Variants in TMEM132A observed in about 807,000 individuals in gnomAD.
The protein encoded by TMEM132A is GRP78-binding protein.
In TMEM132A, 48 loss-of-function variants were observed where a neutral mutation model predicts 69.9. That is an observed-to-expected ratio of 0.69 (90% CI 0.55 to 0.87). The LOEUF (loss-of-function observed/expected upper bound fraction) is 0.87. Among genes scored for constraint, TMEM132A ranks in the 40% least tolerant of loss-of-function variants. The pLI is 0.00. For missense variants in TMEM132A, 1,287 were observed against 1,407.2 expected (o/e 0.91, Z 1.37); for synonymous variants, 577 against 613.7 (o/e 0.94, Z 0.88).
At chr11:60,933,968 T>G (rs1171028407) in intron 8 of TMEM132A, 1 of 573,162 alleles carries the variant, frequency 1.7e-6, no homozygotes, top group Admixed American at 3.1e-5. Flanking sequence ...ACTTCTCCCG[T>G]AGCACCCTCC....
rs1204603885 is a variant in TMEM132A at position 60,927,392 on chromosome 11, T to G, written c.289T>G (p.Ser97Ala). 3 of 1,613,056 alleles carry G rather than the reference T, an allele frequency of 1.9e-6. No individual in the cohort carries two copies. Among genetic ancestry groups the G allele is most frequent in the East Asian group, 2.2e-5 (1 of 44,852 alleles). The change falls in exon 2 of 11, where the codon TCC becomes GCC. Residue 97 changes from serine to alanine, a missense_variant. Ser to Ala is a moderately conservative substitution (Grantham distance 99). Transcript: ENST00000453848. ...CAGGGCCCAGCCACTTCTCCGGGCC[T>G]CCTACCCACCTTTTGCCACTCAGCA... is the stretch of plus-strand genomic sequence containing the variant. ...WPRAQPLLRA[S>A]YPPFATQQVV...
chr11:60,924,691 T>C lies in TMEM132A; in HGVS notation c.58T>C (p.Trp20Arg). ...TAAPRGPYGPWLCLLVALALD... is the reference protein window; with the variant it reads ...TAAPRGPYGPRLCLLVALALD... ...GGCCCCTCGGGGGCCCTACGGCCCC[T>C]GGCTCTGCCTCCTGGTGGCCCTCGC... Residue 20 changes from tryptophan (W) to arginine (R), a missense_variant, in exon 1 of 11, where the codon TGG (tryptophan) becomes CGG (arginine). Transcript: ENST00000453848. 6.3e-7 allele frequency: 1 copy of C among 1,590,976 alleles called. No individual in the cohort carries two copies. Among genetic ancestry groups the C allele is most frequent in the Non-Finnish European group, 8.5e-7 (1 of 1,175,540 alleles).
intron 1 of TMEM132A, chr11:60,926,618 C>T (rs1218297127): frequency 6.4e-6 from 1 of 155,192 alleles, no homozygotes; most frequent in African/African-American, 2.4e-5. Flanking sequence ...AAGCAAGTGC[C>T]TTCACAGACC....
chr11:60,927,955 C>CTAA, intron 3 of TMEM132A, 96 bp downstream of exon 3: 1 of 1,108,982 alleles, frequency 9.0e-7, no homozygotes, highest in Non-Finnish European at 1.3e-6. Context: ...TCCTGGGAAG[C>CTAA]GCGGGGGTTG....
chr11:60,928,824 C>A lies in TMEM132A; in HGVS notation c.730C>A (p.Pro244Thr). 1.2e-6 allele frequency: 2 copies of A among 1,612,260 alleles called. No individual in the cohort carries two copies. The highest frequency in any genetic ancestry group is 1.7e-6 in the Non-Finnish European group (2 of 1,179,866). Residue 244 changes from proline (P) to threonine (T), a missense_variant, in exon 4 of 11, where the codon CCC (proline) becomes ACC (threonine). Coordinates refer to ENST00000453848, the MANE Select transcript of TMEM132A (RefSeq NM_178031.3). ...GGGTGTGGAGCTGCGCCCAGCAGAC[C>A]CCCCGCAGTACCAGGAGGTACCTCT... ...VGGVELRPAD[P>T]PQYQEVPLDE...
In TMEM132A at chr11:60,934,543, T is replaced by C; in HGVS notation, c.1615T>C (p.Cys539Arg). ...SDEAERRARG[C>R]HLQYQRAGVR... is the part of the protein sequence containing the mutation. ...TGAGGCCGAGCGGCGCGCCCGTGGC[T>C]GCCACCTGCAGTACCAGCGGGCCGG... is the stretch of plus-strand genomic sequence containing the variant. The change falls in exon 9 of 11, where the codon TGC becomes CGC. Residue 539 changes from cysteine to arginine, a missense_variant. Physicochemically the swap from Cys to Arg is radical, Grantham distance 180. Coordinates refer to ENST00000453848, the MANE Select transcript of TMEM132A (RefSeq NM_178031.3). 6.7e-7 allele frequency: 1 copy of C among 1,489,754 alleles called. No homozygotes were observed. The highest frequency in any genetic ancestry group is 1.3e-5 in the South Asian group (1 of 77,172). The allele number at this position is 1,489,754 out of a possible 1,614,324, so 92.3% of individuals were successfully genotyped here.
In TMEM132A at chr11:60,927,765, G is replaced by T; in HGVS notation, c.440G>T (p.Gly147Val). The change falls in exon 3 of 11, where the codon GGG becomes GTG. Residue 147 changes from glycine to valine, a missense_variant. Transcript: ENST00000453848. Reference sequence around the variant, plus strand: ...GCCCGGGTTCTCTTCCACCTCAAAGGGCAGGATTGGCCACCAGGGTCTGGC... The same window carrying T: ...GCCCGGGTTCTCTTCCACCTCAAAGTGCAGGATTGGCCACCAGGGTCTGGC... ...PYARVLFHLKGQDWPPGSGSL... is the reference protein window; with the variant it reads ...PYARVLFHLKVQDWPPGSGSL... The T allele has an allele frequency of 6.2e-7, 1 of 1,613,206 alleles. No individual in the cohort carries two copies. The highest frequency in any genetic ancestry group is 8.5e-7 in the Non-Finnish European group (1 of 1,180,018).
rs772318100 is a variant in TMEM132A at position 60,936,703 on chromosome 11, TG to T, written c.2874del (p.Arg959GlyfsTer5). ...CAAGCACCCTGGCCCGAAAGGAGGC[TG>T]GGGGGCGGCGGAAGCGAGTAGAGTT... ...SSSTLARKEA[G>X]GRRKRVEFVT... is the part of the protein sequence containing the mutation. On this transcript the variant is annotated frameshift_variant, in exon 11 of 11. Transcript: ENST00000453848. LOFTEE classifies it high-confidence loss of function. 1.9e-6 allele frequency: 3 copies of T among 1,573,536 alleles called. No homozygotes were observed. Among genetic ancestry groups the T allele is most frequent in the Non-Finnish European group, 1.7e-6 (2 of 1,159,870 alleles).
Position 60,924,673 on chromosome 11 carries a change from CG to C in TMEM132A, c.45del (p.Tyr17ThrfsTer16). ...GGCCGGTCGCACAACAGCGGCCCCT[CG>C]GGGGCCCTACGGCCCCTGGCTCTGC... ...RMAGRTTAAP[R>X]GPYGPWLCLL... is the part of the protein sequence containing the mutation. On this transcript the variant is annotated frameshift_variant, in exon 1 of 11. Coordinates refer to ENST00000453848, the MANE Select transcript of TMEM132A (RefSeq NM_178031.3). LOFTEE classifies it high-confidence loss of function. The C allele has an allele frequency of 6.3e-7, 1 of 1,594,122 alleles. No homozygotes were observed.
rs745608723 is a variant in TMEM132A at position 60,928,618 on chromosome 11, T to A, written c.535-11T>A. 7 of 1,605,678 alleles carry A rather than the reference T, an allele frequency of 4.4e-6. No homozygotes were observed. The highest frequency in any genetic ancestry group is 5.9e-6 in the Non-Finnish European group (7 of 1,179,510). On this transcript the variant is annotated splice_polypyrimidine_tract_variant and intron_variant, in intron 3 of 10. Transcript: ENST00000453848. ...ACCCCCATGCCAATTACTGCTGTCG[T>A]GTCTTCACAGCCATCCCTGGGCGCC...
rs1856524434 is a variant in TMEM132A, at chr11:60,933,616, C to A, written c.1431C>A (p.Phe477Leu). ...SRGARGVRVD[F>L]WWRRLRASLR... Reference sequence around the variant, plus strand: ...GCGCCCGGGGGGTGCGAGTGGACTTCTGGTGGCGCCGGCTCCGCGCCTCGC... The same window carrying A: ...GCGCCCGGGGGGTGCGAGTGGACTTATGGTGGCGCCGGCTCCGCGCCTCGC... The change falls in exon 8 of 11, where the codon TTC becomes TTA. Residue 477 changes from phenylalanine to leucine, a missense_variant. Phe to Leu is a conservative substitution (Grantham distance 22). Transcript: ENST00000453848. 1.2e-6 allele frequency: 2 copies of A among 1,606,392 alleles called. No individual in the cohort carries two copies. Among genetic ancestry groups the A allele is most frequent in the African/African-American group, 1.3e-5 (1 of 74,840 alleles).
rs1022834018 is a variant in TMEM132A, at chr11:60,936,973, C to T, written c.*66C>T. 13 of 1,355,204 alleles carry T rather than the reference C, an allele frequency of 9.6e-6. No individual in the cohort carries two copies. Among genetic ancestry groups the T allele is most frequent in the South Asian group, 3.1e-5 (2 of 64,908 alleles). The allele number at this position is 1,355,204 out of a possible 1,614,324, so 83.9% of individuals were successfully genotyped here. On this transcript the variant is annotated 3_prime_UTR_variant, in exon 11 of 11. Transcript: ENST00000453848. ...AGGGTGGAGGTCCCACTGAGCCTCT[C>T]GCCTGCCCCCGCCACTCGTCTGGTG...
chr11:60,926,488 T>A (rs1856348674), intron 1 of TMEM132A: 1 of 152,404 alleles, frequency 6.6e-6, no homozygotes, highest in Admixed American at 6.5e-5. Context: ...ATGCTAATTA[T>A]TATTATTAGT....
In TMEM132A at chr11:60,936,591, G is replaced by T; in HGVS notation, c.2756G>T (p.Gly919Val). 1.9e-6 allele frequency: 3 copies of T among 1,597,688 alleles called. No homozygotes were observed. The highest frequency in any genetic ancestry group is 1.1e-5 in the South Asian group (1 of 89,652). Residue 919 changes from glycine (G) to valine (V), a missense_variant, in exon 11 of 11, where the codon GGG becomes GTG. By Grantham distance (109) the Gly-to-Val change is moderately radical (BLOSUM62 -3). Transcript: ENST00000453848. The part of the protein sequence containing the change: ...LDRQSPGPPK[G>V]EGSCPCESGG... Reference sequence around the variant, plus strand: ...CGGCAGTCCCCTGGCCCGCCCAAGGGGGAGGGGAGCTGCCCCTGTGAGAGT... The same window carrying T: ...CGGCAGTCCCCTGGCCCGCCCAAGGTGGAGGGGAGCTGCCCCTGTGAGAGT...
At chr11:60,933,179 T>G in intron 7 of TMEM132A, 1 of 207,912 alleles carries the variant, frequency 4.8e-6, no homozygotes, top group Non-Finnish European at 9.6e-6. Flanking sequence ...CATGCCTTTT[T>G]TTTTTTTTTA....
At chr11:60,933,272 AC>A (rs1366876235) in intron 7 of TMEM132A, 5 of 495,450 alleles carry the variant, frequency 1.0e-5, no homozygotes, top group African/African-American at 3.9e-5. Context: ...AGTCTCAGCT[AC>A]CCAGGCTCAA....
intron 1 of TMEM132A, 75 bp from the exon 2 acceptor site, chr11:60,927,129 G>A: frequency 8.1e-7 from 1 of 1,231,042 alleles, no homozygotes; most frequent in Non-Finnish European, 1.2e-6. Flanking sequence ...CAACTACTGT[G>A]CCCCAGCATG....
At chr11:60,934,389 G>A (rs541997892) in intron 8 of TMEM132A, 99 bp from the exon 9 acceptor site, 18 of 1,128,278 alleles carry the variant, frequency 1.6e-5, no homozygotes, top group South Asian at 7.1e-5. Flanking sequence ...TGGTGATTAG[G>A]AGCCGCCGGG....
rs765407670 is a variant in TMEM132A at position 60,936,354 on chromosome 11, C to T, written c.2519C>T (p.Pro840Leu). 2.5e-6 allele frequency: 4 copies of T among 1,614,156 alleles called. No individual in the cohort carries two copies. In the Admixed American group the frequency reaches 5.0e-5, roughly 20 times the overall value. ...GAGGAGGAGGAGATGGTCCCTGCCC[C>T]TCAGCATGTCACTGAGCTAGAGCTG... ...EEEEEEMVPA[P>L]QHVTELELGM... is the part of the protein sequence containing the mutation. Residue 840 changes from proline (P) to leucine (L), a missense_variant, in exon 11 of 11, where the codon CCT (proline) becomes CTT (leucine). Transcript: ENST00000453848.
Sources: gnomAD v4.1 joint callset for allele counts on GRCh38, gnomAD v4.1.1 for gene constraint, MANE v1.5 for transcripts, NCBI Gene and HGNC (gene_info 2026-07-23, HGNC 2026-07-21) for gene names.